FRMPD4: variants seen among roughly 807,000 people sequenced by gnomAD.
FRMPD4 encodes the protein FERM and PDZ domain-containing protein 4.
Under a neutral mutation model 94.1 loss-of-function variants are expected in FRMPD4, and 22 were observed. That is an observed-to-expected ratio of 0.23 (90% CI 0.17 to 0.33). FRMPD4 has a LOEUF of 0.33. FRMPD4 is among the 10% of genes least tolerant of loss of function. The pLI, the probability that FRMPD4 is intolerant of heterozygous loss-of-function variation, is 1.00. For missense variants in FRMPD4, 1,111 were observed against 1,339.9 expected, an observed-to-expected ratio of 0.83 and a Z score of 2.67; for synonymous variants, 631 against 548.6, an observed-to-expected ratio of 1.15 and a Z score of -2.10.
chrX:12,583,682 C>G (rs1019164874), intron 2 of FRMPD4, among the ~76,000 whole-genome samples: 16 of 113,107 alleles, frequency 1.4e-4, no homozygotes, highest in African/African-American at 5.1e-4. Context: ...TGTCTGCGGT[C>G]CAGCTGGTTG....
intron 1 of FRMPD4, among the ~76,000 whole-genome samples, chrX:12,288,906 T>A (rs1221271754): frequency 1.8e-5 from 2 of 112,280 alleles, no homozygotes; most frequent in Non-Finnish European, 3.8e-5. Context: ...ACTCTGAATC[T>A]TGGGGAAGGC....
At chrX:12,211,318 C>T (rs939106098) in intron 1 of FRMPD4, among the ~76,000 whole-genome samples, 9 of 112,032 alleles carry the variant, frequency 8.0e-5, no homozygotes, top group South Asian at 3.7e-4. Context: ...CCTGATTCCC[C>T]GGATTTAGTT....
At chrX:12,250,927 T>G (rs3764803) in intron 1 of FRMPD4, among the ~76,000 whole-genome samples, 19,626 of 110,871 alleles carry the variant, frequency 0.18, 1,629 homozygotes, top group East Asian at 0.51. Context: ...GGGCCTGTCT[T>G]TCCATCATTT....
In FRMPD4 at chrX:12,686,236, C is replaced by T. The variant is rs148659764; in HGVS notation, c.681+32C>T. The T allele has an allele frequency of 1.9e-3, 1,380 of 713,131 alleles. 4 individuals are homozygous for T. Among genetic ancestry groups the T allele is most frequent in the South Asian group, 3.5e-3 (154 of 43,624 alleles). 58.8% of individuals were successfully genotyped at this position (713,131 alleles called of 1,213,427 possible). A position where few individuals can be genotyped will look rare whatever the true frequency, so the allele number is the denominator to read the frequency against. ...TGACCTGGTAAACTCTGTCCCTGGACGCTTTCAGGTACAACATGCAGGACA... is the reference window on the plus strand; with the variant it reads ...TGACCTGGTAAACTCTGTCCCTGGATGCTTTCAGGTACAACATGCAGGACA... On this transcript the variant is annotated intron_variant, in intron 7 of 16. Coordinates refer to ENST00000675598, the MANE Select transcript of FRMPD4 (RefSeq NM_001368397.1).
chrX:12,474,789 C>T (rs977014197), intron 1 of FRMPD4, among the ~76,000 whole-genome samples: 1 of 111,339 alleles, frequency 9.0e-6, no homozygotes, highest in Non-Finnish European at 1.9e-5. Flanking sequence ...AATAGACCAA[C>T]AACAGGCTCT....
At chrX:12,033,927 C>G (rs2054705991) in intron 3 of FRMPD4, among the ~76,000 whole-genome samples, 1 of 112,138 alleles carries the variant, frequency 8.9e-6, no homozygotes, top group South Asian at 3.7e-4. Flanking sequence ...GAACTCCTGA[C>G]CTCAGGTGAT....
At position 12,130,070 on chromosome X, in the gene FRMPD4, C is replaced by T. The variant is rs187920941; in HGVS notation, c.95+252052C>T. Among the ~76,000 whole-genome samples, 26 of 101,859 alleles carry T rather than the reference C, an allele frequency of 2.6e-4. No individual in the cohort carries two copies. In the Admixed American group the frequency reaches 3.0e-3, roughly 12 times the overall value. 88.5% of individuals were successfully genotyped at this position (101,859 alleles called of 115,157 possible). A position where few individuals can be genotyped will look rare whatever the true frequency, so the allele number is the denominator to read the frequency against. The stretch of plus-strand genomic sequence containing the variant: ...TGCAAGTAACAAAATACTTGGTTAT[C>T]TTTGGCTTAAATGGAAAAAGGGAGC... On this transcript the variant is annotated intron_variant, in intron 3 of 18. Transcript: ENST00000640291.
intron 2 of FRMPD4, among the ~76,000 whole-genome samples, chrX:12,589,783 C>T (rs1165118627): frequency 3.6e-5 from 4 of 111,719 alleles, no homozygotes; most frequent in African/African-American, 1.3e-4. Context: ...AAGGAGAGTT[C>T]GATTTATCTC....
chrX:12,096,506 G>C (rs1046600665), intron 3 of FRMPD4, among the ~76,000 whole-genome samples: 8 of 111,890 alleles, frequency 7.1e-5, no homozygotes, highest in African/African-American at 2.0e-4. Context: ...AATTGCATGA[G>C]GAGTCTGTGT....
intron 3 of FRMPD4, among the ~76,000 whole-genome samples, chrX:12,049,349 T>A (rs916637785): frequency 2.5e-4 from 28 of 112,229 alleles, no homozygotes; most frequent in African/African-American, 9.0e-4. Context: ...ATCCTGAAAC[T>A]TTACTGAAGT....
intron 4 of FRMPD4, among the ~76,000 whole-genome samples, chrX:12,621,419 A>G (rs942049581): frequency 3.7e-5 from 4 of 109,240 alleles, no homozygotes; most frequent in African/African-American, 1.3e-4. Context: ...TATAAATTAC[A>G]TGAAAAATAA....
At chrX:11,850,603 G>A (rs1461696857) in intron 1 of FRMPD4, among the ~76,000 whole-genome samples, 1 of 112,139 alleles carries the variant, frequency 8.9e-6, no homozygotes, top group Non-Finnish European at 1.9e-5. Flanking sequence ...TACATACAGT[G>A]GATTATTATT....
At chrX:12,263,317 G>T (rs1198653237) in intron 1 of FRMPD4, among the ~76,000 whole-genome samples, 3 of 111,446 alleles carry the variant, frequency 2.7e-5, no homozygotes, top group African/African-American at 6.5e-5. Context: ...CCTTAGGAGA[G>T]GTGAGAGTAT....
At chrX:12,551,296 C>T (rs1276081329) in intron 2 of FRMPD4, among the ~76,000 whole-genome samples, 1 of 110,725 alleles carries the variant, frequency 9.0e-6, no homozygotes, top group African/African-American at 3.3e-5. Context: ...CACTTCTCTC[C>T]TACCTATACT....
chrX:11,868,635 G>A (rs762255795), intron 2 of FRMPD4, among the ~76,000 whole-genome samples: 1 of 112,001 alleles, frequency 8.9e-6, no homozygotes, highest in Non-Finnish European at 1.9e-5. Context: ...CATATCAACT[G>A]TAGCAGAATC....
intron 1 of FRMPD4, among the ~76,000 whole-genome samples, chrX:12,374,265 T>C (rs2056202325): frequency 9.0e-6 from 1 of 111,404 alleles, no homozygotes; most frequent in Admixed American, 9.4e-5. Flanking sequence ...CAAAAAGATA[T>C]TATGTTACAG....
chrX:12,077,421 A>G (rs1026114334), intron 3 of FRMPD4, among the ~76,000 whole-genome samples: 15 of 112,037 alleles, frequency 1.3e-4, no homozygotes, highest in African/African-American at 4.9e-4. Flanking sequence ...TCCTAATGGC[A>G]CAAGGAAGGG....
intron 3 of FRMPD4, among the ~76,000 whole-genome samples, chrX:11,991,992 C>A (rs1390086614): frequency 8.9e-6 from 1 of 111,843 alleles, no homozygotes; most frequent in Non-Finnish European, 1.9e-5. Context: ...ATTGCAAGTG[C>A]ACTCACATCC....
At chrX:11,871,117 A>G (rs1480003090) in intron 2 of FRMPD4, among the ~76,000 whole-genome samples, 1 of 112,495 alleles carries the variant, frequency 8.9e-6, no homozygotes, top group African/African-American at 3.2e-5. Flanking sequence ...ATCTTCAGGA[A>G]CGATCCTCCA....
Sources: gnomAD v4.1 joint callset for allele counts (sites outside exome capture counted in the v4.1 genomes callset) on GRCh38, gnomAD v4.1.1 for gene constraint, MANE v1.5 for transcripts, NCBI Gene and HGNC (gene_info 2026-07-23, HGNC 2026-07-21) for gene names.